RBMS3: variants seen among roughly 807,000 people sequenced by gnomAD.
RBMS3 encodes the protein RNA binding motif single stranded interacting protein 3.
RBMS3 carries 27 observed loss-of-function variants against 66.8 expected under a neutral mutation model. That is an observed-to-expected ratio of 0.40 (90% confidence interval 0.30 to 0.56). The LOEUF is 0.56. Among genes scored for constraint, RBMS3 ranks in the 20% least tolerant of loss-of-function variants. The pLI, the probability that RBMS3 is intolerant of heterozygous loss-of-function variation, is 0.40. For synonymous variants in RBMS3, 188 were observed against 183.0 expected (o/e 1.03, Z -0.22); for missense variants, 513 against 549.5 (o/e 0.93, Z 0.66).
chr3:29,962,551 C>CTT (rs1553708691), intron 12 of RBMS3, among the ~76,000 whole-genome samples: 1 of 135,208 alleles, frequency 7.4e-6, no homozygotes, highest in African/African-American at 3.1e-5. Flanking sequence ...GGTCAAGACT[C>CTT]ATATATATAT....
At chr3:29,473,392 C>CACAGGGTGCTG (rs2042817944) in intron 2 of RBMS3, among the ~76,000 whole-genome samples, 1 of 152,342 alleles carries the variant, frequency 6.6e-6, no homozygotes, top group Non-Finnish European at 1.5e-5. Context: ...CTTAGCTAGA[C>CACAGGGTGCTG]ATAAAGGTTC....
chr3:29,958,715 G>T (rs1696206129), intron 12 of RBMS3, among the ~76,000 whole-genome samples: 1 of 152,126 alleles, frequency 6.6e-6, no homozygotes, highest in South Asian at 2.1e-4. Context: ...TTAATGTGAT[G>T]CTAAAGCGTC....
chr3:29,568,356 G>T (rs3773091), intron 3 of RBMS3, among the ~76,000 whole-genome samples: 8,349 of 152,248 alleles, frequency 0.055, 476 homozygotes, highest in East Asian at 0.31. Flanking sequence ...GGCAGGAGAA[G>T]AATTGCTGTC....
chr3:29,997,321 C>T (rs1165341620), intron 14 of RBMS3, among the ~76,000 whole-genome samples: 2 of 151,110 alleles, frequency 1.3e-5, no homozygotes, highest in Non-Finnish European at 1.5e-5. Flanking sequence ...GGATTCACAG[C>T]CGAATTCTAC....
intron 5 of RBMS3, among the ~76,000 whole-genome samples, chr3:29,749,857 C>T (rs960275790): frequency 4.6e-5 from 7 of 151,964 alleles, no homozygotes; most frequent in African/African-American, 1.7e-4. Flanking sequence ...TGTCCTGATA[C>T]CAAAAAACAA....
intron 8 of RBMS3, among the ~76,000 whole-genome samples, chr3:29,893,020 G>C (rs887973805): frequency 6.6e-6 from 1 of 151,294 alleles, no homozygotes; most frequent in African/African-American, 2.4e-5. Flanking sequence ...AGCCTCAGAT[G>C]CAACAGTAGC....
chr3:29,357,036 A>T (rs1008706560), intron 1 of RBMS3, among the ~76,000 whole-genome samples: 1 of 152,028 alleles, frequency 6.6e-6, no homozygotes, highest in Non-Finnish European at 1.5e-5. Flanking sequence ...TCACAGTTTT[A>T]TTTTATTTTT....
rs78409420 is a variant in RBMS3, at chr3:29,684,287, T to A, written c.400-55433T>A. The stretch of plus-strand genomic sequence containing the variant: ...AGAGTCACTGTATTTAAATTTTTAC[T>A]TTTGATGTCTTTATTATTTGTGGAC... On this transcript the variant is annotated intron_variant, in intron 4 of 14. Coordinates refer to ENST00000383767, the MANE Select transcript of RBMS3 (RefSeq NM_001003793.3). Among the ~76,000 whole-genome samples, 697 of 152,340 alleles carry A rather than the reference T, an allele frequency of 4.6e-3. 4 individuals carry two copies. The highest frequency in any genetic ancestry group is 7.8e-3 in the Non-Finnish European group (529 of 68,030).
At chr3:29,340,656 C>A (rs2036229843) in intron 1 of RBMS3, among the ~76,000 whole-genome samples, 1 of 152,088 alleles carries the variant, frequency 6.6e-6, no homozygotes, top group African/African-American at 2.4e-5. Flanking sequence ...TTGCCTGAAT[C>A]TATTATAGCA....
chr3:29,747,745 A>G (rs1450031778), intron 5 of RBMS3, among the ~76,000 whole-genome samples: 2 of 152,194 alleles, frequency 1.3e-5, no homozygotes, highest in Non-Finnish European at 2.9e-5. Flanking sequence ...CCTAGGTAGT[A>G]TTGGAAAAGG....
chr3:29,996,675 A>G (rs573609331), intron 14 of RBMS3, among the ~76,000 whole-genome samples: 55 of 152,164 alleles, frequency 3.6e-4, no homozygotes, highest in African/African-American at 1.0e-3. Flanking sequence ...ACTACTGGGT[A>G]CATAACGAAA....
At chr3:29,463,485 C>T (rs956970080) in intron 2 of RBMS3, among the ~76,000 whole-genome samples, 3 of 152,054 alleles carry the variant, frequency 2.0e-5, no homozygotes, top group Admixed American at 6.6e-5. Flanking sequence ...CATAGAATCT[C>T]GCCATTGCTC....
intron 1 of RBMS3, among the ~76,000 whole-genome samples, chr3:29,295,977 C>A (rs2033234133): frequency 6.6e-6 from 1 of 151,684 alleles, no homozygotes; most frequent in South Asian, 2.1e-4. Flanking sequence ...GGTTGTCCTG[C>A]CCCTCTGTGT....
At chr3:29,575,662 C>G (rs1330220903) in intron 3 of RBMS3, among the ~76,000 whole-genome samples, 1 of 152,050 alleles carries the variant, frequency 6.6e-6, no homozygotes, top group African/African-American at 2.4e-5. Context: ...ATACTACTTT[C>G]TAGATCTTGT....
intron 14 of RBMS3, among the ~76,000 whole-genome samples, chr3:30,001,215 A>G (rs1699594724): frequency 6.6e-6 from 1 of 152,012 alleles, no homozygotes; most frequent in Non-Finnish European, 1.5e-5. Context: ...AGTAGAGGGA[A>G]TATACTGTGA....
At chr3:29,561,831 T>C (rs895420118) in intron 3 of RBMS3, among the ~76,000 whole-genome samples, 4 of 152,180 alleles carry the variant, frequency 2.6e-5, no homozygotes, top group African/African-American at 9.7e-5. Context: ...ATCAGTGATA[T>C]TGAGCTTTTT....
At chr3:29,634,117 AG>A (rs750411693) in intron 4 of RBMS3, among the ~76,000 whole-genome samples, 3 of 151,926 alleles carry the variant, frequency 2.0e-5, no homozygotes, top group Non-Finnish European at 2.9e-5. Context: ...GTTTTATCAT[AG>A]TACTATGCAT....
At chr3:29,724,361 T>C (rs974588560) in intron 4 of RBMS3, among the ~76,000 whole-genome samples, 2 of 152,194 alleles carry the variant, frequency 1.3e-5, no homozygotes, top group African/African-American at 2.4e-5. Flanking sequence ...ATGATCATGA[T>C]TTACTGAGCT....
intron 1 of RBMS3, among the ~76,000 whole-genome samples, chr3:29,428,710 A>T (rs1239303486): frequency 6.6e-6 from 1 of 152,140 alleles, no homozygotes; most frequent in Non-Finnish European, 1.5e-5. Context: ...AACAAAGCAC[A>T]CTAAATGAAT....
Sources: gnomAD v4.1 joint callset for allele counts (sites outside exome capture counted in the v4.1 genomes callset) on GRCh38, gnomAD v4.1.1 for gene constraint, MANE v1.5 for transcripts, NCBI Gene and HGNC (gene_info 2026-07-23, HGNC 2026-07-21) for gene names.